The following NTRK2 variants were observed in gnomAD, a reference collection of about 807,000 sequenced individuals.
NTRK2 encodes BDNF/NT-3 growth factors receptor.
In NTRK2, 13 loss-of-function variants were observed where a neutral mutation model predicts 94.5. That is an observed-to-expected ratio of 0.14 (90% CI 0.09 to 0.22). The LOEUF (loss-of-function observed/expected upper bound fraction) is 0.22. Among genes scored for constraint, NTRK2 ranks in the 10% least tolerant of loss-of-function variants. The probability of loss-of-function intolerance (pLI) is 1.00; values close to 1 mark genes in which losing one functional copy is unlikely to be tolerated. For synonymous variants in NTRK2, 372 were observed against 407.4 expected (o/e 0.91, Z 1.05); for missense variants, 639 against 1,071.2 (o/e 0.60, Z 5.63).
intron 17 of NTRK2, among the ~76,000 whole-genome samples, chr9:84,968,092 G>C (rs546156994): frequency 6.6e-6 from 1 of 152,250 alleles, no homozygotes; most frequent in Non-Finnish European, 1.5e-5. Flanking sequence ...TCTCAGCTTG[G>C]CATGTAACCC....
intron 14 of NTRK2, among the ~76,000 whole-genome samples, chr9:84,888,801 T>C (rs1194099913): frequency 6.6e-6 from 1 of 151,302 alleles, no homozygotes; most frequent in East Asian, 1.9e-4. Flanking sequence ...CAACATATTA[T>C]AAAGTTCACC....
At chr9:84,960,054 TAAGAA>T (rs1309172217) in intron 17 of NTRK2, among the ~76,000 whole-genome samples, 1 of 152,300 alleles carries the variant, frequency 6.6e-6, no homozygotes, top group Admixed American at 6.5e-5. Context: ...ATCTTCCACT[TAAGAA>T]AAGAAAAGGA....
chr9:84,983,738 G>A (rs977290884), intron 17 of NTRK2, among the ~76,000 whole-genome samples: 10 of 152,032 alleles, frequency 6.6e-5, no homozygotes, highest in Admixed American at 2.6e-4. Context: ...CTGCCCCTCC[G>A]CCCCCACACA....
At chr9:84,894,669 T>C in intron 14 of NTRK2, among the ~76,000 whole-genome samples, 1 of 152,250 alleles carries the variant, frequency 6.6e-6, no homozygotes, top group East Asian at 1.9e-4. Flanking sequence ...ACAAAAATCT[T>C]ACTGTGAGGA....
intron 17 of NTRK2, among the ~76,000 whole-genome samples, chr9:84,977,498 A>G (rs868749525): frequency 6.6e-6 from 1 of 152,252 alleles, no homozygotes; most frequent in Non-Finnish European, 1.5e-5. Context: ...GGAAATGTGC[A>G]TATCAGACAA....
At chr9:84,966,602 T>G (rs1825586119) in intron 17 of NTRK2, among the ~76,000 whole-genome samples, 1 of 152,042 alleles carries the variant, frequency 6.6e-6, no homozygotes, top group Non-Finnish European at 1.5e-5. Flanking sequence ...GGGCTAAATT[T>G]TTGTATTTTT....
At position 85,017,654 on chromosome 9, in the gene NTRK2, T is replaced by C. The variant is rs1832377855; in HGVS notation, c.2173-2552T>C. Among the ~76,000 whole-genome samples the C allele has an allele frequency of 3.3e-5, 5 of 152,362 alleles. No individual in the cohort carries two copies. In the South Asian group the frequency reaches 1.0e-3, roughly 32 times the overall value. ...AAGCCTCAGTCCCTGATGGATCTCC[T>C]TGAATTGAAGAGGGTTGCAATTTAC... is the stretch of plus-strand genomic sequence containing the variant. On this transcript the variant is annotated intron_variant, in intron 17 of 18. Coordinates refer to ENST00000277120, the MANE Select transcript of NTRK2 (RefSeq NM_006180.6).
chr9:84,740,427 T>C (rs1260967077), intron 9 of NTRK2, among the ~76,000 whole-genome samples: 1 of 152,244 alleles, frequency 6.6e-6, no homozygotes, highest in Non-Finnish European at 1.5e-5. Context: ...CAAAATATGA[T>C]TGAAATTTAC....
chr9:84,715,049 T>C (rs1378824947), intron 6 of NTRK2, among the ~76,000 whole-genome samples: 3 of 152,198 alleles, frequency 2.0e-5, no homozygotes, highest in Non-Finnish European at 4.4e-5. Flanking sequence ...CATAGAGATA[T>C]TATATGGAGA....
At chr9:84,812,667 C>CA in intron 12 of NTRK2, 3 of 1,043,194 alleles carry the variant, frequency 2.9e-6, no homozygotes, top group African/African-American at 1.7e-5. Context: ...CCATTTGGTA[C>CA]AAAAAAGATT....
intron 12 of NTRK2, among the ~76,000 whole-genome samples, chr9:84,760,778 A>AC (rs1056068265): frequency 2.6e-5 from 4 of 152,172 alleles, no homozygotes; most frequent in Admixed American, 6.5e-5. Flanking sequence ...GGGGGATGGG[A>AC]CCCCCCAACA....
intron 17 of NTRK2, among the ~76,000 whole-genome samples, chr9:85,006,492 C>T (rs1014183353): frequency 2.6e-5 from 4 of 152,210 alleles, no homozygotes; most frequent in Admixed American, 6.5e-5. Flanking sequence ...TCCTGAGGCT[C>T]CTCACCCTGG....
chr9:84,716,629 C>T (rs188751523), intron 6 of NTRK2, among the ~76,000 whole-genome samples: 229 of 152,330 alleles, frequency 1.5e-3, no homozygotes, highest in African/African-American at 5.2e-3. Context: ...GAAAACCACA[C>T]ACAAAGGCTA....
At chr9:84,945,355 C>T (rs1038076584) in intron 15 of NTRK2, among the ~76,000 whole-genome samples, 24 of 152,244 alleles carry the variant, frequency 1.6e-4, no homozygotes, top group Non-Finnish European at 2.8e-4. Flanking sequence ...GGACACACTT[C>T]GACTGTCAAA....
At chr9:84,910,849 CTT>C (rs1397219099) in intron 14 of NTRK2, among the ~76,000 whole-genome samples, 1 of 152,100 alleles carries the variant, frequency 6.6e-6, no homozygotes, top group Non-Finnish European at 1.5e-5. Flanking sequence ...CCATTTTCTT[CTT>C]GTCAAAATTG....
chr9:84,717,001 C>T (rs1050178121), intron 6 of NTRK2, among the ~76,000 whole-genome samples: 3 of 152,058 alleles, frequency 2.0e-5, no homozygotes, highest in Non-Finnish European at 4.4e-5. Flanking sequence ...AGGCAAAGAA[C>T]TTGGAAGATA....
At chr9:84,819,549 G>C (rs139677556) in intron 12 of NTRK2, among the ~76,000 whole-genome samples, 5 of 152,218 alleles carry the variant, frequency 3.3e-5, no homozygotes, top group Middle Eastern at 3.2e-3. Context: ...ACTCAACGCT[G>C]TTGAATTGAA....
intron 14 of NTRK2, among the ~76,000 whole-genome samples, chr9:84,871,634 A>T: frequency 6.6e-6 from 1 of 152,344 alleles, no homozygotes. Context: ...ATGGTGATCA[A>T]TTATATCCCT....
At chr9:84,687,535 C>A (rs2059791683) in intron 2 of NTRK2, among the ~76,000 whole-genome samples, 1 of 152,120 alleles carries the variant, frequency 6.6e-6, no homozygotes, top group Non-Finnish European at 1.5e-5. Context: ...CTCTTACTTA[C>A]CCAGTCTACA....
Sources: gnomAD v4.1 joint callset for allele counts (sites outside exome capture counted in the v4.1 genomes callset) on GRCh38, gnomAD v4.1.1 for gene constraint, MANE v1.5 for transcripts, NCBI Gene and HGNC (gene_info 2026-07-23, HGNC 2026-07-21) for gene names.